CFAP52: variants seen among roughly 807,000 people sequenced by gnomAD.
CFAP52 encodes cilia and flagella associated protein 52, also known as cilia- and flagella-associated protein 52.
CFAP52 carries 57 observed loss-of-function variants against 70.5 expected under a neutral mutation model. That is an observed-to-expected ratio of 0.81 (90% CI 0.65 to 1.01). The LOEUF (loss-of-function observed/expected upper bound fraction) is 1.01. Among genes scored for constraint, CFAP52 ranks in the 50% least tolerant of loss-of-function variants. The pLI is 0.00. For missense variants in CFAP52, 785 were observed against 788.5 expected (o/e 1.00, Z 0.05); for synonymous variants, 267 against 292.5 (o/e 0.91, Z 0.89).
intron 3 of CFAP52, among the ~76,000 whole-genome samples, 177 bp from the exon 4 acceptor site, chr17:9,594,016 G>T (rs376962992): frequency 6.6e-6 from 1 of 152,130 alleles, no homozygotes; most frequent in African/African-American, 2.4e-5. Flanking sequence ...TGTCACCGTT[G>T]TGTCTTCTAA....
At chr17:9,613,965 T>C (rs1199369080) in intron 8 of CFAP52, among the ~76,000 whole-genome samples, 1 of 152,080 alleles carries the variant, frequency 6.6e-6, no homozygotes, top group Non-Finnish European at 1.5e-5. Flanking sequence ...CATTTTCTTT[T>C]GGTCTCACTT....
intron 7 of CFAP52, among the ~76,000 whole-genome samples, chr17:9,611,993 T>G (rs530728577): frequency 6.6e-6 from 1 of 152,346 alleles, no homozygotes; most frequent in East Asian, 1.9e-4. Flanking sequence ...AGGGGTTAGT[T>G]GCTGTGGTCA....
At chr17:9,588,778 T>TTC (rs1333529561) in intron 3 of CFAP52, among the ~76,000 whole-genome samples, 1 of 151,386 alleles carries the variant, frequency 6.6e-6, no homozygotes, top group African/African-American at 2.4e-5. Flanking sequence ...AAAAGAATTT[T>TTC]TTTTTTTTTT....
rs747187180 is a variant in CFAP52 at position 9,632,968 on chromosome 17, G to A, written c.1255G>A (p.Gly419Ser). Reference protein sequence around the residue: ...MYVINNAHRIGVTAIATTSDC... With the variant: ...MYVINNAHRISVTAIATTSDC... ...TGTCATTAACAATGCTCACAGGATC[G>A]GCGTCACCGCCATCGCCACCACCAG... The change falls in exon 10 of 14, where the codon GGC becomes AGC. Residue 419 changes from glycine (G) to serine (S), a missense_variant. Coordinates refer to ENST00000352665, the MANE Select transcript of CFAP52 (RefSeq NM_145054.5). 8 of 1,614,064 alleles carry A rather than the reference G, an allele frequency of 5.0e-6. No individual in the cohort carries two copies. In the Admixed American group the frequency reaches 5.0e-5, roughly 10 times the overall value.
At position 9,577,388 on chromosome 17, in the gene CFAP52, C is replaced by T. The variant is rs1054938115; in HGVS notation, c.70+623C>T. On this transcript the variant is annotated intron_variant, in intron 1 of 13. Coordinates refer to ENST00000352665, the MANE Select transcript of CFAP52 (RefSeq NM_145054.5). Reference sequence around the variant, plus strand: ...GGAGAGAAAAAGGGACTGGGCCGCTCCGCTGAAATCTTATTTGTGACTGCC... The same window carrying T: ...GGAGAGAAAAAGGGACTGGGCCGCTTCGCTGAAATCTTATTTGTGACTGCC... 5.9e-5 allele frequency among the ~76,000 whole-genome samples: 9 copies of T among 152,292 alleles called. 1 individual carries two copies. In the South Asian group the frequency reaches 1.2e-3, roughly 21 times the overall value.
intron 8 of CFAP52, among the ~76,000 whole-genome samples, chr17:9,622,086 G>T (rs1910062473): frequency 6.6e-6 from 1 of 152,116 alleles, no homozygotes; most frequent in Non-Finnish European, 1.5e-5. Context: ...AAAAAGGCAA[G>T]AGTCTCAGCA....
At chr17:9,629,547 C>CTTT (rs758263833) in intron 9 of CFAP52, among the ~76,000 whole-genome samples, 4 of 126,814 alleles carry the variant, frequency 3.2e-5, no homozygotes, top group African/African-American at 5.9e-5. Context: ...TGCTTGCTTG[C>CTTT]TTTTTTTTTT....
At chr17:9,584,859 G>C (rs936744857) in intron 1 of CFAP52, among the ~76,000 whole-genome samples, 4 of 152,084 alleles carry the variant, frequency 2.6e-5, no homozygotes, top group Non-Finnish European at 5.9e-5. Flanking sequence ...CTGACCTCAG[G>C]TGATCCGCCT....
Position 9,635,496 on chromosome 17 carries a change from G to A in CFAP52, c.1412G>A (p.Arg471Lys). 6.2e-7 allele frequency: 1 copy of A among 1,614,208 alleles called. No individual in the cohort carries two copies. The highest frequency in any genetic ancestry group is 8.5e-7 in the Non-Finnish European group (1 of 1,180,034). Residue 471 changes from arginine (R) to lysine (K), a missense_variant, in exon 11 of 14, where the codon AGG (arginine) becomes AAG (lysine). Physicochemically the swap from Arg to Lys is conservative, Grantham distance 26 (BLOSUM62 2). Coordinates refer to ENST00000352665, the MANE Select transcript of CFAP52 (RefSeq NM_145054.5). ...TCAGTGTCCTGCATTAGGGTGAAGA[G>A]GAACAACGAGGAGTGTGTCACCGCC... Reference protein sequence around the residue: ...KSSVSCIRVKRNNEECVTAST... With the variant: ...KSSVSCIRVKKNNEECVTAST...
chr17:9,584,280 A>G (rs888063193), intron 1 of CFAP52: 1 of 1,285,558 alleles, frequency 7.8e-7, no homozygotes, highest in Admixed American at 2.4e-5. Flanking sequence ...ACATGGAAGC[A>G]GTAGTGTTAC....
intron 8 of CFAP52, among the ~76,000 whole-genome samples, chr17:9,622,863 C>T (rs1597788658): frequency 6.6e-6 from 1 of 152,242 alleles, no homozygotes; most frequent in Non-Finnish European, 1.5e-5. Flanking sequence ...TACTTACTAC[C>T]TGAACTAGTC....
intron 2 of CFAP52, among the ~76,000 whole-genome samples, chr17:9,586,273 G>A (rs1375809325): frequency 6.6e-6 from 1 of 152,006 alleles, no homozygotes; most frequent in Non-Finnish European, 1.5e-5. Context: ...CTAGAAAAGT[G>A]ATAGAGCGGG....
In CFAP52 at chr17:9,641,928, A is replaced by G. The variant is rs1208950451; in HGVS notation, c.1687+93A>G. The G allele has an allele frequency of 6.3e-6, 7 of 1,115,998 alleles. No homozygotes were observed. In the African/African-American group the frequency reaches 1.1e-4, roughly 17 times the overall value. The allele number at this position is 1,115,998 out of a possible 1,614,324, so 69.1% of individuals were successfully genotyped here. On this transcript the variant is annotated intron_variant, in intron 13 of 13. Coordinates refer to ENST00000352665, the MANE Select transcript of CFAP52 (RefSeq NM_145054.5). ...GCTAGAGGCAATTGGAAAAGACAAC[A>G]AAAGGGTCTCAAGGCAACTTGGTTA...
chr17:9,601,865 G>T (rs1260108482), intron 6 of CFAP52, among the ~76,000 whole-genome samples: 1 of 152,194 alleles, frequency 6.6e-6, no homozygotes, highest in East Asian at 1.9e-4. Context: ...TCTGATAACA[G>T]AACAGATGGT....
chr17:9,633,716 A>ACCCAGGC (rs1179471316), intron 10 of CFAP52, among the ~76,000 whole-genome samples: 2 of 145,866 alleles, frequency 1.4e-5, no homozygotes, highest in Non-Finnish European at 3.0e-5. Context: ...TCCCTCTGTC[A>ACCCAGGC]CCCAGGCTGG....
intron 1 of CFAP52, among the ~76,000 whole-genome samples, chr17:9,579,741 T>C (rs1327250782): frequency 1.3e-5 from 2 of 152,172 alleles, no homozygotes; most frequent in Non-Finnish European, 2.9e-5. Context: ...CTAATTTTTG[T>C]ATTTTTAATA....
intron 6 of CFAP52, among the ~76,000 whole-genome samples, chr17:9,604,941 A>G (rs1480104291): frequency 6.6e-6 from 1 of 152,114 alleles, no homozygotes; most frequent in Non-Finnish European, 1.5e-5. Flanking sequence ...CACTAACAAC[A>G]CCTAATATTG....
chr17:9,634,985 A>G (rs1910709546), intron 10 of CFAP52, among the ~76,000 whole-genome samples: 2 of 152,206 alleles, frequency 1.3e-5, no homozygotes, highest in Non-Finnish European at 2.9e-5. Context: ...TCAAAATTGA[A>G]CAGCTGATTG....
chr17:9,605,011 G>A (rs182141453), intron 6 of CFAP52, among the ~76,000 whole-genome samples: 27 of 152,128 alleles, frequency 1.8e-4, no homozygotes, highest in Non-Finnish European at 2.8e-4. Flanking sequence ...AAAATAGTAC[G>A]GCCACTTTGG....
Sources: gnomAD v4.1 joint callset for allele counts (sites outside exome capture counted in the v4.1 genomes callset) on GRCh38, gnomAD v4.1.1 for gene constraint, MANE v1.5 for transcripts, NCBI Gene and HGNC (gene_info 2026-07-23, HGNC 2026-07-21) for gene names.